Variants in CORIN observed in about 807,000 individuals in gnomAD.
The protein encoded by CORIN is corin, serine peptidase.
Under a neutral mutation model 125.3 loss-of-function variants are expected in CORIN, and 117 were observed. The observed-to-expected ratio is 0.93, with a 90% CI of 0.80 to 1.09. CORIN has a LOEUF of 1.09. Ranked by LOEUF, CORIN falls within the 50% of genes least tolerant of loss-of-function variation. The pLI, the probability that CORIN is intolerant of heterozygous loss-of-function variation, is 0.00. For synonymous variants in CORIN, 450 were observed against 466.4 expected, an observed-to-expected ratio of 0.96 and a Z score of 0.45; for missense variants, 1,253 against 1,306.7, an observed-to-expected ratio of 0.96 and a Z score of 0.63.
intron 10 of CORIN, among the ~76,000 whole-genome samples, chr4:47,666,675 A>C (rs1274703440): frequency 3.9e-5 from 6 of 152,140 alleles, no homozygotes. Context: ...TCCTTATAAG[A>C]AGGAGAAGAG....
In CORIN at chr4:47,623,713, T is replaced by C. The variant is rs1274698950; in HGVS notation, c.2398A>G (p.Lys800Glu). Residue 800 changes from lysine (K) to glutamate (E), a missense_variant, in exon 19 of 22, where the codon AAA (lysine) becomes GAA (glutamate). Coordinates refer to ENST00000273857, the MANE Select transcript of CORIN (RefSeq NM_006587.4). ...CTCGTCCGACCTCCAAGGATCCTTT[T>C]GTTCATTCGGGCAGCAGGGCGGCGC... ...CGRRPAARMN[K>E]RILGGRTSRP... 3.7e-6 allele frequency: 6 copies of C among 1,614,224 alleles called. No homozygotes were observed. The South Asian group carries it at 6.6e-5, about 18-fold the overall frequency.
chr4:47,725,284 C>T (rs1727536193), intron 5 of CORIN, among the ~76,000 whole-genome samples: 1 of 151,728 alleles, frequency 6.6e-6, no homozygotes, highest in South Asian at 2.1e-4. Flanking sequence ...AATTCTAACA[C>T]TTACATAGAA....
intron 4 of CORIN, among the ~76,000 whole-genome samples, chr4:47,753,377 AG>A (rs1728994404): frequency 6.6e-6 from 1 of 152,222 alleles, no homozygotes; most frequent in South Asian, 2.1e-4. Context: ...CTTAAGCAAC[AG>A]AAAACAGGGT....
At chr4:47,694,019 T>C (rs1725877964) in intron 5 of CORIN, among the ~76,000 whole-genome samples, 1 of 152,240 alleles carries the variant, frequency 6.6e-6, no homozygotes, top group Admixed American at 6.5e-5. Flanking sequence ...TTATGTTTAA[T>C]GATATTCATA....
intron 5 of CORIN, among the ~76,000 whole-genome samples, chr4:47,712,954 C>T (rs960393134): frequency 6.6e-6 from 1 of 151,836 alleles, no homozygotes; most frequent in African/African-American, 2.4e-5. Context: ...AAGGTTTCCC[C>T]GAAAGACAAT....
intron 2 of CORIN, among the ~76,000 whole-genome samples, chr4:47,796,149 A>G (rs929932222): frequency 1.3e-5 from 2 of 152,106 alleles, no homozygotes; most frequent in Admixed American, 6.6e-5. Context: ...AGGATCTCCT[A>G]TCTGCACTCC....
chr4:47,669,965 G>C (rs1316011215), intron 10 of CORIN, among the ~76,000 whole-genome samples: 1 of 152,088 alleles, frequency 6.6e-6, no homozygotes, highest in Non-Finnish European at 1.5e-5. Context: ...TAAGTCTCTC[G>C]TAGTCTTTGG....
chr4:47,618,344 AG>A (rs1553904530), intron 19 of CORIN, among the ~76,000 whole-genome samples: 33,956 of 133,286 alleles, frequency 0.25, 4,476 homozygotes, highest in Admixed American at 0.33. Context: ...AAAAAAAAAA[AG>A]GAAAGGAAAG....
In CORIN at chr4:47,642,021, A is replaced by G; in HGVS notation, c.2097T>C (p.Ser699=). The G allele has an allele frequency of 6.2e-7, 1 of 1,613,424 alleles. No individual in the cohort carries two copies. The highest frequency in any genetic ancestry group is 2.2e-5 in the East Asian group (1 of 44,858). The change falls in exon 16 of 22, where the codon TCT becomes TCC. Residue 699 remains serine, a synonymous_variant. Coordinates refer to ENST00000273857, the MANE Select transcript of CORIN (RefSeq NM_006587.4). ...CVTLSINVNS[S]SFLMVHRAAT... is the part of the protein sequence containing the mutation. The stretch of plus-strand genomic sequence containing the variant: ...CAGCTCTGTGAACCATCAGAAAGGA[A>G]GAGGAGTTCACATTTATAGAGAGGG...
chr4:47,833,447 G>A (rs567745300), intron 1 of CORIN, among the ~76,000 whole-genome samples: 3 of 140,046 alleles, frequency 2.1e-5, no homozygotes, highest in African/African-American at 8.0e-5. Context: ...TAAAATTTCT[G>A]AAAGAAAACA....
chr4:47,620,693 T>A (rs1223335407), intron 19 of CORIN, among the ~76,000 whole-genome samples: 1 of 152,268 alleles, frequency 6.6e-6, no homozygotes, highest in African/African-American at 2.4e-5. Context: ...AGCAATAGTT[T>A]TTTTAAAAGA....
At chr4:47,732,963 T>C (rs1425590867) in intron 5 of CORIN, among the ~76,000 whole-genome samples, 2 of 152,152 alleles carry the variant, frequency 1.3e-5, no homozygotes, top group Admixed American at 1.3e-4. Flanking sequence ...CTCAACTCCT[T>C]GTCTCAGGTC....
chr4:47,795,434 T>A (rs1731251050), intron 2 of CORIN, among the ~76,000 whole-genome samples: 1 of 152,156 alleles, frequency 6.6e-6, no homozygotes, highest in African/African-American at 2.4e-5. Context: ...TCTTTTCATT[T>A]ATTTGTGTCT....
At chr4:47,679,815 T>C (rs1321400374) in intron 8 of CORIN, 2 of 195,462 alleles carry the variant, frequency 1.0e-5, no homozygotes, top group Non-Finnish European at 2.1e-5. Flanking sequence ...TTCCCCATTC[T>C]GTGGGCAGAG....
intron 3 of CORIN, among the ~76,000 whole-genome samples, chr4:47,780,674 C>T (rs142816625): frequency 6.6e-6 from 1 of 152,024 alleles, no homozygotes; most frequent in African/African-American, 2.4e-5. Flanking sequence ...CCCACCTAGA[C>T]AACAATTGCA....
chr4:47,757,697 AG>A (rs1159838538), intron 4 of CORIN, among the ~76,000 whole-genome samples: 1 of 151,740 alleles, frequency 6.6e-6, no homozygotes, highest in Non-Finnish European at 1.5e-5. Context: ...TGAAAATAGA[AG>A]TAAAAAATTA....
chr4:47,667,722 A>G (rs1255429662), intron 10 of CORIN, among the ~76,000 whole-genome samples: 5 of 152,212 alleles, frequency 3.3e-5, no homozygotes, highest in Admixed American at 3.3e-4. Context: ...AGAAGACACA[A>G]CACTGAAAGG....
chr4:47,660,969 A>C (rs1724223180), intron 12 of CORIN, among the ~76,000 whole-genome samples: 1 of 152,248 alleles, frequency 6.6e-6, no homozygotes. Flanking sequence ...AATGTGGTAC[A>C]TATATGCAAT....
At chr4:47,639,932 G>C (rs1163805857) in intron 16 of CORIN, among the ~76,000 whole-genome samples, 1 of 152,090 alleles carries the variant, frequency 6.6e-6, no homozygotes, top group Non-Finnish European at 1.5e-5. Flanking sequence ...TAAACTTCAA[G>C]GCAACTAAAA....
Sources: allele counts gnomAD v4.1 joint callset (sites outside exome capture counted in the v4.1 genomes callset), GRCh38; gene constraint gnomAD v4.1.1; transcripts MANE v1.5; gene names NCBI Gene and HGNC (gene_info 2026-07-23, HGNC 2026-07-21).